HECW1: variants seen among roughly 807,000 people sequenced by gnomAD.
The protein encoded by HECW1 is HECT, C2 and WW domain containing E3 ubiquitin protein ligase 1, also known as E3 ubiquitin-protein ligase HECW1.
In HECW1, 61 loss-of-function variants were observed where a neutral mutation model predicts 182.3. That is an observed-to-expected ratio of 0.33 (90% CI 0.27 to 0.41). HECW1 has a LOEUF of 0.41. Among genes scored for constraint, HECW1 ranks in the 10% least tolerant of loss-of-function variants. The probability of loss-of-function intolerance (pLI) is 1.00; values close to 1 mark genes in which losing one functional copy is unlikely to be tolerated. For synonymous variants in HECW1, 859 were observed against 832.6 expected, an observed-to-expected ratio of 1.03 and a Z score of -0.55; for missense variants, 1,739 against 2,108.9, an observed-to-expected ratio of 0.82 and a Z score of 3.44.
At chr7:43,222,372 C>T (rs1406804704) in intron 2 of HECW1, among the ~76,000 whole-genome samples, 1 of 152,134 alleles carries the variant, frequency 6.6e-6, no homozygotes, top group Non-Finnish European at 1.5e-5. Context: ...ATTATGCAAA[C>T]AATCTTTGAA....
At chr7:43,307,901 T>TATATATATATAC (rs1562812062) in intron 3 of HECW1, among the ~76,000 whole-genome samples, 103 of 78,932 alleles carry the variant, frequency 1.3e-3, no homozygotes, top group African/African-American at 4.4e-3. Context: ...TATATACACA[T>TATATATATATAC]ATATATATAT....
At chr7:43,267,615 T>A (rs57192506) in intron 3 of HECW1, among the ~76,000 whole-genome samples, 23,419 of 151,652 alleles carry the variant, frequency 0.15, 2,420 homozygotes, top group South Asian at 0.26. Flanking sequence ...TAATAAACTA[T>A]AAACAAAATA....
intron 3 of HECW1, among the ~76,000 whole-genome samples, chr7:43,273,880 GTCTC>G (rs1802745140): frequency 6.7e-6 from 1 of 148,418 alleles, no homozygotes; most frequent in South Asian, 2.1e-4. Flanking sequence ...TTGAGATGGA[GTCTC>G]TCTGTCACCC....
chr7:43,235,783 T>C (rs1798277419), intron 2 of HECW1, among the ~76,000 whole-genome samples: 1 of 152,024 alleles, frequency 6.6e-6, no homozygotes, highest in Non-Finnish European at 1.5e-5. Flanking sequence ...TGGGCATGGG[T>C]GTGGGTGGCA....
Position 43,469,221 on chromosome 7 carries a change from C to T in HECW1, c.3099+116C>T, listed in dbSNP as rs80172675. 6,529 of 1,098,444 alleles carry T rather than the reference C, an allele frequency of 5.9e-3. 271 individuals carry two copies. In the African/African-American group the frequency reaches 0.086, roughly 15 times the overall value. The allele number at this position is 1,098,444 out of a possible 1,614,324, so 68.0% of individuals were successfully genotyped here. ...GAGTTATGTCTGAGAGATGTGCTATCGGCCGCCAGCAGTAAAGGGGCTGAT... is the reference window on the plus strand; with the variant it reads ...GAGTTATGTCTGAGAGATGTGCTATTGGCCGCCAGCAGTAAAGGGGCTGAT... On this transcript the variant is annotated intron_variant, in intron 16 of 29. Transcript: ENST00000395891.
chr7:43,250,923 G>T (rs914702216), intron 3 of HECW1, among the ~76,000 whole-genome samples: 15 of 152,326 alleles, frequency 9.8e-5, no homozygotes, highest in African/African-American at 3.6e-4. Flanking sequence ...GAGGGCATAT[G>T]ACCTTCAGAT....
chr7:43,327,353 G>A (rs915682166), intron 5 of HECW1, among the ~76,000 whole-genome samples: 2 of 152,002 alleles, frequency 1.3e-5, no homozygotes, highest in Non-Finnish European at 2.9e-5. Flanking sequence ...TCCCCCCACC[G>A]CTGCCCACCC....
At chr7:43,516,744 G>A (rs573034023) in intron 24 of HECW1, among the ~76,000 whole-genome samples, 4 of 152,194 alleles carry the variant, frequency 2.6e-5, no homozygotes, top group Admixed American at 6.5e-5. Context: ...TTATCATTGC[G>A]TGAACATCAT....
At chr7:43,212,950 G>A (rs1796127288) in intron 2 of HECW1, among the ~76,000 whole-genome samples, 1 of 152,084 alleles carries the variant, frequency 6.6e-6, no homozygotes, top group African/African-American at 2.4e-5. Context: ...TAAATCTGTA[G>A]CTCTAAGATT....
intron 2 of HECW1, among the ~76,000 whole-genome samples, chr7:43,168,299 C>T (rs1791335679): frequency 6.6e-6 from 1 of 152,114 alleles, no homozygotes; most frequent in Admixed American, 6.6e-5. Flanking sequence ...AAACATACAG[C>T]TATTATACAG....
At chr7:43,170,448 G>C (rs2152666663) in intron 2 of HECW1, among the ~76,000 whole-genome samples, 1 of 152,230 alleles carries the variant, frequency 6.6e-6, no homozygotes, top group South Asian at 2.1e-4. Flanking sequence ...GGCACCCTTG[G>C]CTCCCAGTCA....
chr7:43,377,719 G>A (rs2074385619), intron 6 of HECW1: 2 of 206,228 alleles, frequency 9.7e-6, no homozygotes, highest in East Asian at 1.5e-4. Flanking sequence ...GAAGTCCCCA[G>A]GCATGTTGCC....
rs550015331 is a variant in HECW1, at chr7:43,331,023, A to G, written c.460+10281A>G. The stretch of plus-strand genomic sequence containing the variant: ...TTATATACTTTAAGTCCTAGGGTAC[A>G]TGTGCACAACGTGCAGGTTTGTTAC... On this transcript the variant is annotated intron_variant, in intron 5 of 29. Transcript: ENST00000395891. Among the ~76,000 whole-genome samples, 13 of 152,194 alleles carry G rather than the reference A, an allele frequency of 8.5e-5. No homozygotes were observed. In the East Asian group the frequency reaches 2.3e-3, roughly 27 times the overall value.
chr7:43,285,385 G>A (rs1804505079), intron 3 of HECW1, among the ~76,000 whole-genome samples: 1 of 152,174 alleles, frequency 6.6e-6, no homozygotes, highest in African/African-American at 2.4e-5. Flanking sequence ...TCCCAGGTTG[G>A]CAACCACTGG....
At chr7:43,510,653 T>C (rs2079817290) in intron 24 of HECW1, among the ~76,000 whole-genome samples, 1 of 152,144 alleles carries the variant, frequency 6.6e-6, no homozygotes, top group African/African-American at 2.4e-5. Flanking sequence ...AGAATTGTAT[T>C]CAATCACAAG....
intron 24 of HECW1, among the ~76,000 whole-genome samples, chr7:43,536,236 T>A (rs2081173909): frequency 6.6e-6 from 1 of 152,220 alleles, no homozygotes; most frequent in Non-Finnish European, 1.5e-5. Flanking sequence ...CTCTAATTGA[T>A]AAATAAATAG....
intron 24 of HECW1, among the ~76,000 whole-genome samples, chr7:43,534,282 T>C (rs2152949470): frequency 6.6e-6 from 1 of 152,360 alleles, no homozygotes; most frequent in Admixed American, 6.5e-5. Flanking sequence ...AAGAGATTCC[T>C]CTTGCAGACT....
intron 1 of HECW1, among the ~76,000 whole-genome samples, chr7:43,113,203 GAAAC>G (rs976325246): frequency 1.3e-5 from 2 of 152,086 alleles, no homozygotes; most frequent in African/African-American, 4.8e-5. Flanking sequence ...GGTACGGAGA[GAAAC>G]AAAGAAGCCC....
intron 18 of HECW1, 148 bp downstream of exon 18, chr7:43,492,328 C>A: frequency 1.7e-6 from 1 of 593,112 alleles, no homozygotes; most frequent in East Asian, 3.1e-5. Flanking sequence ...ATAGTGCACA[C>A]CCCGACCCCT....
Sources: allele counts gnomAD v4.1 joint callset (sites outside exome capture counted in the v4.1 genomes callset), GRCh38; gene constraint gnomAD v4.1.1; transcripts MANE v1.5; gene names NCBI Gene and HGNC (gene_info 2026-07-23, HGNC 2026-07-21).